PPM1L: variants seen among roughly 807,000 people sequenced by gnomAD.
PPM1L encodes the protein protein phosphatase 1L.
In PPM1L, 13 loss-of-function variants were observed where a neutral mutation model predicts 31.4. That is an observed-to-expected ratio of 0.41 (90% confidence interval 0.27 to 0.66). PPM1L has a LOEUF of 0.66. Among genes scored for constraint, PPM1L ranks in the 30% least tolerant of loss-of-function variants. The probability of loss-of-function intolerance (pLI) is 0.29; values close to 1 mark genes in which losing one functional copy is unlikely to be tolerated. For missense variants in PPM1L, 326 were observed against 453.7 expected, an observed-to-expected ratio of 0.72 and a Z score of 2.56; for synonymous variants, 184 against 175.4, an observed-to-expected ratio of 1.05 and a Z score of -0.39.
chr3:160,966,227 A>G (rs1171588883), intron 2 of PPM1L, among the ~76,000 whole-genome samples: 2 of 152,084 alleles, frequency 1.3e-5, no homozygotes, highest in African/African-American at 2.4e-5. Flanking sequence ...ATTAGGTTAT[A>G]TTTTCCAATG....
chr3:160,813,430 C>T (rs1454292554), intron 1 of PPM1L, among the ~76,000 whole-genome samples: 1 of 152,190 alleles, frequency 6.6e-6, no homozygotes, highest in South Asian at 2.1e-4. Flanking sequence ...ACCTCTTCCT[C>T]CTGGGTTGAA....
intron 2 of PPM1L, among the ~76,000 whole-genome samples, chr3:161,047,044 C>T (rs919809696): frequency 6.6e-6 from 1 of 152,174 alleles, no homozygotes; most frequent in African/African-American, 2.4e-5. Flanking sequence ...CAGGGACACC[C>T]TCTGTCACCA....
chr3:160,798,053 C>T (rs1024803407), intron 1 of PPM1L, among the ~76,000 whole-genome samples: 1 of 152,104 alleles, frequency 6.6e-6, no homozygotes. Context: ...TAGTGCGTGC[C>T]TGTAGTCCTA....
At chr3:161,006,840 G>A (rs566711949) in intron 2 of PPM1L, among the ~76,000 whole-genome samples, 2 of 151,988 alleles carry the variant, frequency 1.3e-5, no homozygotes, top group East Asian at 1.9e-4. Flanking sequence ...CCGCCACCAC[G>A]CCCAGCTAAT....
At chr3:160,967,939 C>T (rs1255224869) in intron 2 of PPM1L, among the ~76,000 whole-genome samples, 5 of 152,070 alleles carry the variant, frequency 3.3e-5, no homozygotes, top group Non-Finnish European at 7.4e-5. Context: ...CAATGGAACA[C>T]TCAAATAGCT....
chr3:160,860,260 GTTCTT>G (rs1711843800), intron 1 of PPM1L, among the ~76,000 whole-genome samples: 1 of 152,080 alleles, frequency 6.6e-6, no homozygotes, highest in South Asian at 2.1e-4. Context: ...TTAAAACTTT[GTTCTT>G]TTCTTTTCAT....
intron 1 of PPM1L, among the ~76,000 whole-genome samples, chr3:160,777,461 A>G (rs1711595871): frequency 6.6e-6 from 1 of 152,202 alleles, no homozygotes; most frequent in African/African-American, 2.4e-5. Context: ...TGCAATAGCT[A>G]TCTAGAAGTT....
chr3:160,870,833 T>C (rs1712277201), intron 1 of PPM1L, among the ~76,000 whole-genome samples: 1 of 152,158 alleles, frequency 6.6e-6, no homozygotes, highest in East Asian at 1.9e-4. Flanking sequence ...GAAATAAATG[T>C]TGTAGAGTGG....
chr3:160,801,350 G>A (rs1236770488), intron 1 of PPM1L, among the ~76,000 whole-genome samples: 2 of 152,168 alleles, frequency 1.3e-5, no homozygotes, highest in African/African-American at 4.8e-5. Context: ...AGGACATTTT[G>A]CACTTGGGGC....
chr3:160,994,973 A>C (rs1382977531), intron 2 of PPM1L, among the ~76,000 whole-genome samples: 1 of 152,190 alleles, frequency 6.6e-6, no homozygotes, highest in Non-Finnish European at 1.5e-5. Context: ...GAGGTGGGAC[A>C]AGGCAGAGGA....
intron 1 of PPM1L, among the ~76,000 whole-genome samples, chr3:160,767,474 A>G (rs1450032753): frequency 6.6e-6 from 1 of 151,926 alleles, no homozygotes; most frequent in East Asian, 1.9e-4. Context: ...AGCTCAGATG[A>G]TCCACCCGCC....
At chr3:160,986,030 A>T (rs1306521071) in intron 2 of PPM1L, among the ~76,000 whole-genome samples, 1 of 152,164 alleles carries the variant, frequency 6.6e-6, no homozygotes, top group Non-Finnish European at 1.5e-5. Flanking sequence ...GGTAGATAGA[A>T]CAATTTTTAA....
chr3:160,941,876 G>A (rs982720677), intron 1 of PPM1L, among the ~76,000 whole-genome samples: 15 of 152,102 alleles, frequency 9.9e-5, no homozygotes, highest in Non-Finnish European at 1.8e-4. Context: ...CTTGGAGTAC[G>A]ATAAACATTT....
intron 2 of PPM1L, among the ~76,000 whole-genome samples, chr3:161,048,414 A>G (rs1193437539): frequency 1.3e-5 from 2 of 152,248 alleles, no homozygotes; most frequent in Admixed American, 6.5e-5. Context: ...GGCAATCATT[A>G]AAAAGTCAGG....
intron 2 of PPM1L, among the ~76,000 whole-genome samples, chr3:161,034,884 C>T (rs1188409034): frequency 6.6e-6 from 1 of 151,346 alleles, no homozygotes; most frequent in African/African-American, 2.4e-5. Flanking sequence ...CACATATACA[C>T]CATGGAATAC....
At chr3:160,855,177 G>T (rs1189923979) in intron 1 of PPM1L, among the ~76,000 whole-genome samples, 1 of 152,136 alleles carries the variant, frequency 6.6e-6, no homozygotes, top group Non-Finnish European at 1.5e-5. Context: ...GCCCTATGCA[G>T]AAGACTGAAA....
chr3:160,946,216 CT>C (rs755861739), intron 1 of PPM1L, among the ~76,000 whole-genome samples: 2 of 152,096 alleles, frequency 1.3e-5, no homozygotes, highest in Non-Finnish European at 2.9e-5. Context: ...TAAAACTTGC[CT>C]ACATAAAATA....
intron 3 of PPM1L, among the ~76,000 whole-genome samples, chr3:161,066,409 C>G (rs1296295616): frequency 6.6e-6 from 1 of 152,038 alleles, no homozygotes; most frequent in East Asian, 1.9e-4. Context: ...GTAAGTCATT[C>G]ATATAGTATA....
intron 1 of PPM1L, among the ~76,000 whole-genome samples, chr3:160,948,675 C>T (rs1360291895): frequency 6.6e-6 from 1 of 152,048 alleles, no homozygotes; most frequent in Non-Finnish European, 1.5e-5. Context: ...AAGGGCTCAG[C>T]CTTCTTGAGG....
Sources: gnomAD v4.1 joint callset for allele counts (sites outside exome capture counted in the v4.1 genomes callset) on GRCh38, gnomAD v4.1.1 for gene constraint, MANE v1.5 for transcripts, NCBI Gene and HGNC (gene_info 2026-07-23, HGNC 2026-07-21) for gene names.